The following BARX2 variants were observed in gnomAD, a reference collection of about 807,000 sequenced individuals.
BARX2 encodes BARX homeobox 2, also known as homeobox protein BarH-like 2.
In BARX2, 11 loss-of-function variants were observed where a neutral mutation model predicts 25.5. The observed-to-expected ratio is 0.43, with a 90% CI of 0.27 to 0.71. The LOEUF (loss-of-function observed/expected upper bound fraction) is 0.71. BARX2 is among the 30% of genes least tolerant of loss of function. BARX2 has a pLI of 0.19. For synonymous variants in BARX2, 137 were observed against 149.5 expected, an observed-to-expected ratio of 0.92 and a Z score of 0.61; for missense variants, 360 against 359.9, an observed-to-expected ratio of 1.00 and a Z score of 0.00.
intron 1 of BARX2, among the ~76,000 whole-genome samples, chr11:129,380,943 A>T (rs961600308): frequency 6.6e-6 from 1 of 151,854 alleles, no homozygotes; most frequent in Non-Finnish European, 1.5e-5. Flanking sequence ...CACCCAGCTA[A>T]TTTTTGTATT....
chr11:129,402,002 C>T (rs534332448), intron 1 of BARX2, among the ~76,000 whole-genome samples: 4 of 141,134 alleles, frequency 2.8e-5, no homozygotes, highest in Admixed American at 2.1e-4. Context: ...ACTTCCAGAA[C>T]ATGTGGTTGA....
At chr11:129,382,693 T>C (rs796886635) in intron 1 of BARX2, among the ~76,000 whole-genome samples, 7 of 152,172 alleles carry the variant, frequency 4.6e-5, no homozygotes, top group African/African-American at 1.7e-4. Flanking sequence ...GCATCTTCTG[T>C]TGGGGATGCA....
chr11:129,376,331 C>T lies in BARX2; in HGVS notation c.187+109C>T, dbSNP rs1039394863. The stretch of plus-strand genomic sequence containing the variant: ...AGAGGAAGGGTTAAGTTAAGGGATT[C>T]TTTTCCTGCGCCTCAGCAAGCGGTG... On this transcript the variant is annotated intron_variant, in intron 1 of 3. Transcript: ENST00000281437. The surrounding 1 kb of genome is among the most constrained non-coding windows in gnomAD (Gnocchi z 4.2). 5.5e-5 allele frequency: 62 copies of T among 1,121,022 alleles called. No homozygotes were observed. Among genetic ancestry groups the T allele is most frequent in the Non-Finnish European group, 7.7e-5 (62 of 804,526 alleles). The allele number at this position is 1,121,022 out of a possible 1,614,324, so 69.4% of individuals were successfully genotyped here. A position where few individuals can be genotyped will look rare whatever the true frequency, so the allele number is the denominator to read the frequency against.
At chr11:129,379,921 C>A (rs1861543688) in intron 1 of BARX2, among the ~76,000 whole-genome samples, 1 of 152,016 alleles carries the variant, frequency 6.6e-6, no homozygotes, top group Non-Finnish European at 1.5e-5. Flanking sequence ...ATTCCACTAA[C>A]CTATAATCTA....
chr11:129,427,191 C>T (rs1002821815), intron 1 of BARX2, among the ~76,000 whole-genome samples: 2 of 152,194 alleles, frequency 1.3e-5, no homozygotes, highest in Non-Finnish European at 2.9e-5. Flanking sequence ...TACATTAATG[C>T]CGTTAATCCT....
In BARX2 at chr11:129,451,535, C is replaced by T. The variant is rs561390631; in HGVS notation, c.*133C>T. 9.8e-7 allele frequency: 1 copy of T among 1,021,918 alleles called. No individual in the cohort carries two copies. The highest frequency in any genetic ancestry group is 1.6e-5 in the African/African-American group (1 of 61,080). The allele number at this position is 1,021,918 out of a possible 1,614,324, so 63.3% of individuals were successfully genotyped here. A position where few individuals can be genotyped will look rare whatever the true frequency, so the allele number is the denominator to read the frequency against. ...AGAGATCTACCCGTCTCCCTCCCTCCCACAGTTACCATTGGCCTTGTCATC... is the reference window on the plus strand; with the variant it reads ...AGAGATCTACCCGTCTCCCTCCCTCTCACAGTTACCATTGGCCTTGTCATC... On this transcript the variant is annotated 3_prime_UTR_variant, in exon 4 of 4. Coordinates refer to ENST00000281437, the MANE Select transcript of BARX2 (RefSeq NM_003658.5).
chr11:129,438,762 G>A (rs1283881701), intron 2 of BARX2, among the ~76,000 whole-genome samples: 1 of 152,200 alleles, frequency 6.6e-6, no homozygotes, highest in African/African-American at 2.4e-5. Flanking sequence ...AACGACTACA[G>A]GAACAAAGAC....
intron 2 of BARX2, among the ~76,000 whole-genome samples, chr11:129,438,544 G>A (rs1235273736): frequency 6.6e-6 from 1 of 152,204 alleles, no homozygotes; most frequent in East Asian, 1.9e-4. Flanking sequence ...CTTAAGCTGT[G>A]TAGTAGCTCT....
intron 1 of BARX2, among the ~76,000 whole-genome samples, chr11:129,392,225 A>G (rs1425901789): frequency 6.6e-6 from 1 of 152,228 alleles, no homozygotes; most frequent in Non-Finnish European, 1.5e-5. Flanking sequence ...TGCGTCTCCA[A>G]GGTAGCCTTT....
chr11:129,398,568 T>A (rs1256048764), intron 1 of BARX2, among the ~76,000 whole-genome samples: 1 of 152,230 alleles, frequency 6.6e-6, no homozygotes, highest in Non-Finnish European at 1.5e-5. Context: ...TAATTCTAAT[T>A]GAGAGTTTAA....
At chr11:129,425,306 A>G (rs1039483885) in intron 1 of BARX2, among the ~76,000 whole-genome samples, 23 of 152,236 alleles carry the variant, frequency 1.5e-4, no homozygotes, top group African/African-American at 4.8e-4. Context: ...GTAAGAGTGA[A>G]TCAGGACACA....
chr11:129,383,082 A>G (rs908426734), intron 1 of BARX2, among the ~76,000 whole-genome samples: 23 of 152,218 alleles, frequency 1.5e-4, no homozygotes, highest in African/African-American at 4.6e-4. Flanking sequence ...GACTTTGTAC[A>G]AACTTGGTGG....
intron 1 of BARX2, among the ~76,000 whole-genome samples, chr11:129,422,820 C>T (rs1862020510): frequency 6.6e-6 from 1 of 151,824 alleles, no homozygotes; most frequent in South Asian, 2.1e-4. Flanking sequence ...TCTCCTGCCT[C>T]AGCCTCCCAA....
At position 129,415,333 on chromosome 11, in the gene BARX2, T is replaced by C. The variant is rs138787252; in HGVS notation, c.188-21418T>C. 2.6e-3 allele frequency among the ~76,000 whole-genome samples: 399 copies of C among 152,308 alleles called. 1 individual carries two copies. Among genetic ancestry groups the C allele is most frequent in the Non-Finnish European group, 4.3e-3 (294 of 68,032 alleles). ...CTGGCCAGTTCTCCTCATGGCCCTT[T>C]CTCCCTTTAAGCCCCAGAAGCCATC... On this transcript the variant is annotated intron_variant, in intron 1 of 3. Transcript: ENST00000281437.
intron 1 of BARX2, among the ~76,000 whole-genome samples, chr11:129,399,679 T>C (rs2135392297): frequency 6.6e-6 from 1 of 152,316 alleles, no homozygotes; most frequent in South Asian, 2.1e-4. Context: ...ATAAGCAGTG[T>C]GCCCAGAATA....
intron 1 of BARX2, among the ~76,000 whole-genome samples, chr11:129,423,312 T>C (rs1862027587): frequency 1.3e-5 from 2 of 151,970 alleles, no homozygotes; most frequent in South Asian, 4.2e-4. Context: ...AGACAGGGTT[T>C]CACCATGTTG....
chr11:129,381,067 G>C (rs901220134), intron 1 of BARX2, among the ~76,000 whole-genome samples: 1 of 152,120 alleles, frequency 6.6e-6, no homozygotes, highest in Non-Finnish European at 1.5e-5. Context: ...GAGCCATCGC[G>C]CCCGCTGTGA....
intron 1 of BARX2, among the ~76,000 whole-genome samples, chr11:129,395,346 C>A (rs1861708660): frequency 6.6e-6 from 1 of 152,176 alleles, no homozygotes; most frequent in Non-Finnish European, 1.5e-5. Flanking sequence ...ACCAGCACTA[C>A]CCTTGAAGGA....
chr11:129,419,537 C>T (rs754169216), intron 1 of BARX2, among the ~76,000 whole-genome samples: 2 of 152,206 alleles, frequency 1.3e-5, no homozygotes, highest in Non-Finnish European at 2.9e-5. Context: ...GCTCAAATCT[C>T]AGACATGTGA....
Sources: gnomAD v4.1 joint callset for allele counts (sites outside exome capture counted in the v4.1 genomes callset) on GRCh38, gnomAD v4.1.1 for gene constraint, Gnocchi (gnomAD v3.1) non-coding constraint, MANE v1.5 for transcripts, NCBI Gene and HGNC (gene_info 2026-07-23, HGNC 2026-07-21) for gene names.